The following DNAH8 variants were observed in gnomAD, a reference collection of about 807,000 sequenced individuals.
DNAH8 encodes dynein axonemal heavy chain 8, also known as axonemal beta dynein heavy chain 8.
DNAH8 carries 382 observed loss-of-function variants against 562.1 expected under a neutral mutation model. The observed-to-expected ratio is 0.68, with a 90% confidence interval of 0.63 to 0.74. The LOEUF is 0.74. Ranked by LOEUF, DNAH8 falls within the 30% of genes least tolerant of loss-of-function variation. The probability of loss-of-function intolerance (pLI) is 0.00; values close to 1 mark genes in which losing one functional copy is unlikely to be tolerated. For missense variants in DNAH8, 5,203 were observed against 5,620.4 expected (o/e 0.93, Z 2.37); for synonymous variants, 1,881 against 1,919.4 (o/e 0.98, Z 0.52).
intron 82 of DNAH8, among the ~76,000 whole-genome samples, chr6:38,955,547 C>T (rs1762187813): frequency 6.6e-6 from 1 of 152,054 alleles, no homozygotes; most frequent in African/African-American, 2.4e-5. Flanking sequence ...ATGAGAATAG[C>T]TTGAACCTGG....
chr6:38,969,734 G>A (rs2150685277), intron 82 of DNAH8, among the ~76,000 whole-genome samples: 1 of 152,002 alleles, frequency 6.6e-6, no homozygotes. Context: ...GTGGTGTGTG[G>A]CAGCAGTAGC....
chr6:38,853,257 A>C lies in DNAH8; in HGVS notation c.5643A>C (p.Ser1881=). Residue 1881 remains serine, a synonymous_variant, in exon 41 of 93, where the codon TCA becomes TCC. Transcript: ENST00000327475. ...TGGATTTGTTAAAAATGCAGATGTCATCATTACATAATATAATTAGATCCG... is the reference window on the plus strand; with the variant it reads ...TGGATTTGTTAAAAATGCAGATGTCCTCATTACATAATATAATTAGATCCG... ...WLLDLLKMQM[S]SLHNIIRSAF... is the part of the protein sequence containing the mutation. 6.2e-7 allele frequency: 1 copy of C among 1,613,484 alleles called. No homozygotes were observed. Among genetic ancestry groups the C allele is most frequent in the Non-Finnish European group, 8.5e-7 (1 of 1,179,700 alleles).
intron 71 of DNAH8, 98 bp from the exon 72 acceptor site, chr6:38,922,960 A>G (rs1157019716): frequency 7.7e-7 from 1 of 1,294,398 alleles, no homozygotes; most frequent in African/African-American, 1.5e-5. Context: ...TTTGCAAAGT[A>G]AGAAATTCCC....
chr6:38,990,036 G>A lies in DNAH8; in HGVS notation c.13078G>A (p.Glu4360Lys), dbSNP rs746456693. The stretch of plus-strand genomic sequence containing the variant: ...GGTCTGGTTCAGTGAGAAGATGTTT[G>A]AACCGTCATTCTGCTTTTATACTGG... ...ARVWFSEKMF[E>K]PSFCFYTGYK... is the part of the protein sequence containing the mutation. The change falls in exon 88 of 93, where the codon GAA becomes AAA. Residue 4360 changes from glutamate to lysine, a missense_variant. This residue lies in a region of DNAH8 where 1,399 missense variants were observed against 1,518.4 expected (regional missense o/e 0.92). Coordinates refer to ENST00000327475, the MANE Select transcript of DNAH8 (RefSeq NM_001206927.2). 1 of 1,600,886 alleles carries A rather than the reference G, an allele frequency of 6.2e-7. No homozygotes were observed. The highest frequency in any genetic ancestry group is 1.7e-5 in the Admixed American group (1 of 59,328).
At position 38,897,013 on chromosome 6, in the gene DNAH8, C is replaced by T. The variant is rs550999692; in HGVS notation, c.8940+788C>T. ...TGTTGGTCCTGTGATTACAGGTGCT[C>T]GCTACCATGCCTGGCTAATTTTTTG... On this transcript the variant is annotated intron_variant, in intron 60 of 92. Transcript: ENST00000327475. Among the ~76,000 whole-genome samples the T allele has an allele frequency of 3.3e-5, 5 of 152,116 alleles. No individual in the cohort carries two copies. In the South Asian group the frequency reaches 6.2e-4, roughly 19 times the overall value.
At chr6:38,976,555 A>G (rs1473870200) in intron 85 of DNAH8, among the ~76,000 whole-genome samples, 1 of 152,230 alleles carries the variant, frequency 6.6e-6, no homozygotes, top group African/African-American at 2.4e-5. Context: ...GGCCAGAAGC[A>G]TCAACATCAC....
Position 39,030,669 on chromosome 6 carries a change from G to A in DNAH8, c.*277G>A. 2.9e-6 allele frequency: 1 copy of A among 339,440 alleles called. No individual in the cohort carries two copies. Among genetic ancestry groups the A allele is most frequent in the Non-Finnish European group, 5.4e-6 (1 of 186,016 alleles). The allele number at this position is 339,440 out of a possible 1,614,324, so 21.0% of individuals were successfully genotyped here. On this transcript the variant is annotated 3_prime_UTR_variant, in exon 93 of 93. Coordinates refer to ENST00000327475, the MANE Select transcript of DNAH8 (RefSeq NM_001206927.2). ...CCCTGTTTGGATGTTAGAACACTTT[G>A]GAAGCTCTGAATTTTAAAAATTTGA... is the stretch of plus-strand genomic sequence containing the variant.
chr6:38,920,531 C>A (rs1421452754), intron 70 of DNAH8, among the ~76,000 whole-genome samples: 1 of 152,046 alleles, frequency 6.6e-6, no homozygotes, highest in Non-Finnish European at 1.5e-5. Flanking sequence ...ATTTCACTTG[C>A]AGAATCTTTG....
chr6:38,726,851 G>GTTTTTTTTTTTTTTTTT (rs58557655), intron 3 of DNAH8, among the ~76,000 whole-genome samples: 1 of 63,264 alleles, frequency 1.6e-5, no homozygotes. Flanking sequence ...GTATTCTTTA[G>GTTTTTTTTTTTTTTTTT]TTTTTTTTTT....
At chr6:38,925,241 G>C (rs755866721) in intron 73 of DNAH8, among the ~76,000 whole-genome samples, 8 of 151,770 alleles carry the variant, frequency 5.3e-5, no homozygotes, top group Non-Finnish European at 8.8e-5. Context: ...GGGGTCCTGG[G>C]ATAATTTAAC....
At chr6:38,962,862 G>A (rs1762702158) in intron 82 of DNAH8, among the ~76,000 whole-genome samples, 1 of 152,154 alleles carries the variant, frequency 6.6e-6, no homozygotes. Context: ...ATTATTCTAA[G>A]TGAAGTAAAT....
chr6:38,765,599 G>A (rs1197875252), intron 11 of DNAH8, among the ~76,000 whole-genome samples: 1 of 152,148 alleles, frequency 6.6e-6, no homozygotes, highest in Non-Finnish European at 1.5e-5. Flanking sequence ...AAGATCAGTT[G>A]ACCATAATGC....
In DNAH8 at chr6:38,845,818, G is replaced by T. The variant is rs757067464; in HGVS notation, c.5045+45G>T. ...GAGAGATTTAAATGGGATATTTAGG[G>T]TTATAAAATTCTAAGTAAAAGCTCA... On this transcript the variant is annotated intron_variant, in intron 36 of 92. Transcript: ENST00000327475. 2.7e-6 allele frequency: 4 copies of T among 1,497,246 alleles called. No individual in the cohort carries two copies. In the South Asian group the frequency reaches 3.5e-5, roughly 13 times the overall value. 92.7% of individuals were successfully genotyped at this position (1,497,246 alleles called of 1,614,324 possible).
intron 40 of DNAH8, 62 bp from the exon 41 acceptor site, chr6:38,853,124 G>A (rs1775890265): frequency 7.7e-7 from 1 of 1,292,004 alleles, no homozygotes; most frequent in Non-Finnish European, 1.1e-6. Context: ...AAGTGTGCAT[G>A]GAACGTCTGT....
In DNAH8 at chr6:38,923,874, G is replaced by A. The variant is rs930172662; in HGVS notation, c.10791-117G>A. 21 of 1,163,088 alleles carry A rather than the reference G, an allele frequency of 1.8e-5. No homozygotes were observed. In the African/African-American group the frequency reaches 2.9e-4, roughly 16 times the overall value. 72.0% of individuals were successfully genotyped at this position (1,163,088 alleles called of 1,614,324 possible). A position where few individuals can be genotyped will look rare whatever the true frequency, so the allele number is the denominator to read the frequency against. ...GTCTTTTTCCATGCCTGGCTACCAA[G>A]CATTAAGCAGGGGCAAAGAAGGATT... On this transcript the variant is annotated intron_variant, in intron 72 of 92. Coordinates refer to ENST00000327475, the MANE Select transcript of DNAH8 (RefSeq NM_001206927.2).
At chr6:38,733,611 A>G (rs1159737480) in intron 4 of DNAH8, among the ~76,000 whole-genome samples, 2 of 152,234 alleles carry the variant, frequency 1.3e-5, no homozygotes, top group Admixed American at 6.5e-5. Context: ...GGAGGCTGCA[A>G]TTTAAGATAC....
At chr6:38,856,498 G>T (rs1299227886) in intron 41 of DNAH8, among the ~76,000 whole-genome samples, 1 of 152,098 alleles carries the variant, frequency 6.6e-6, no homozygotes, top group Non-Finnish European at 1.5e-5. Flanking sequence ...CTATGCTTTT[G>T]TAGTTTTTCT....
At chr6:39,027,979 G>A (rs1767408412) in intron 92 of DNAH8, among the ~76,000 whole-genome samples, 1 of 152,058 alleles carries the variant, frequency 6.6e-6, no homozygotes, top group African/African-American at 2.4e-5. Context: ...AAGTAAGGGG[G>A]CTGGACCAGA....
At chr6:39,015,428 C>G (rs1410427899) in intron 91 of DNAH8, among the ~76,000 whole-genome samples, 2 of 152,184 alleles carry the variant, frequency 1.3e-5, no homozygotes, top group East Asian at 3.9e-4. Flanking sequence ...AAACTCATCT[C>G]AAATAGTAAT....
Sources: allele counts gnomAD v4.1 joint callset (sites outside exome capture counted in the v4.1 genomes callset), GRCh38; gene constraint gnomAD v4.1.1; regional missense constraint gnomAD v4.1.1; transcripts MANE v1.5; gene names NCBI Gene and HGNC (gene_info 2026-07-23, HGNC 2026-07-21).